SETD2: variants seen among roughly 807,000 people sequenced by gnomAD.
The protein encoded by SETD2 is histone-lysine N-methyltransferase SETD2.
SETD2 carries 31 observed loss-of-function variants against 242.1 expected under a neutral mutation model. The ratio of observed to expected loss-of-function variants is 0.13; its 90% confidence interval spans 0.10 to 0.17. The LOEUF is 0.17. SETD2 is among the 10% of genes least tolerant of loss of function. The pLI, the probability that SETD2 is intolerant of heterozygous loss-of-function variation, is 1.00. For synonymous variants in SETD2, 1,006 were observed against 1,066.5 expected, an observed-to-expected ratio of 0.94 and a Z score of 1.11; for missense variants, 2,481 against 3,046.3, an observed-to-expected ratio of 0.81 and a Z score of 4.37.
At chr3:47,080,083 G>C (rs1014936327) in intron 12 of SETD2, among the ~76,000 whole-genome samples, 2 of 152,112 alleles carry the variant, frequency 1.3e-5, no homozygotes, top group Non-Finnish European at 2.9e-5. Context: ...TATTAGCGAG[G>C]GAGTGAAATT....
At chr3:47,031,751 C>G (rs542150059) in intron 18 of SETD2, among the ~76,000 whole-genome samples, 2 of 152,200 alleles carry the variant, frequency 1.3e-5, no homozygotes, top group Admixed American at 6.5e-5. Flanking sequence ...TCTTAAAACA[C>G]TGAGGACCGC....
At chr3:47,105,123 T>C (rs2042358230) in intron 6 of SETD2, among the ~76,000 whole-genome samples, 1 of 152,166 alleles carries the variant, frequency 6.6e-6, no homozygotes, top group East Asian at 1.9e-4. Context: ...GCAAAAGCAC[T>C]TTGGGGCCAG....
chr3:47,122,104 G>C lies in SETD2; in HGVS notation c.2532C>G (p.His844Gln), dbSNP rs2106669220. Residue 844 changes from histidine (H) to glutamine (Q), a missense_variant, in exon 3 of 21, where the codon CAC becomes CAG. This residue lies in a region of SETD2 where 1,300 missense variants were observed against 1,259.2 expected (regional missense o/e 1.03). Transcript: ENST00000409792. ...VICDSRNLTD[H>Q]SKFACEEYKQ... Reference sequence around the variant, plus strand: ...TATATTCTTCACATGCAAATTTTGAGTGATCTGTCAAATTTCTACTATCAC... The same window carrying C: ...TATATTCTTCACATGCAAATTTTGACTGATCTGTCAAATTTCTACTATCAC... 1 of 1,613,910 alleles carries C rather than the reference G, an allele frequency of 6.2e-7. No homozygotes were observed.
intron 17 of SETD2, among the ~76,000 whole-genome samples, chr3:47,041,048 G>A (rs1252452589): frequency 6.6e-6 from 1 of 152,070 alleles, no homozygotes; most frequent in Non-Finnish European, 1.5e-5. Context: ...GGATGCCCAA[G>A]GTTATAGTTA....
At chr3:47,131,834 G>C (rs2043484077) in intron 1 of SETD2, among the ~76,000 whole-genome samples, 1 of 149,630 alleles carries the variant, frequency 6.7e-6, no homozygotes, top group South Asian at 2.1e-4. Context: ...CTGCAGTACA[G>C]AGGCGTGACC....
At chr3:47,063,214 T>C (rs374224785) in intron 13 of SETD2, among the ~76,000 whole-genome samples, 1 of 152,230 alleles carries the variant, frequency 6.6e-6, no homozygotes, top group Admixed American at 6.5e-5. Flanking sequence ...AGTTCAAACC[T>C]GTGTTGTTCA....
intron 18 of SETD2, among the ~76,000 whole-genome samples, chr3:47,022,420 G>A (rs34850939): frequency 0.25 from 38,504 of 151,478 alleles, 5,969 homozygotes; most frequent in South Asian, 0.35. Flanking sequence ...GGAGAGTTGC[G>A]CGAGCCTAGG....
chr3:47,111,974 A>C lies in SETD2; in HGVS notation c.4715+1902T>G, dbSNP rs180788685. Among the ~76,000 whole-genome samples, 332 of 152,272 alleles carry C rather than the reference A, an allele frequency of 2.2e-3. 1 individual carries two copies. The highest frequency in any genetic ancestry group is 7.4e-3 in the African/African-American group (307 of 41,550). ...CTCAGAGGGTTCTGAAAGAATAGTT[A>C]TGTCTAAGTTACTAGAATCCAGCAA... On this transcript the variant is annotated intron_variant, in intron 5 of 20. Transcript: ENST00000409792.
At chr3:47,119,853 T>C (rs2043002475) in intron 3 of SETD2, 2 of 474,618 alleles carry the variant, frequency 4.2e-6, no homozygotes, top group Admixed American at 5.4e-5. Flanking sequence ...TTTGCTGGGG[T>C]TTTATTCTGT....
chr3:47,081,065 TCCTTGCTGCCCTGAGAAGCTAGATGGA>T, intron 12 of SETD2: 1 of 986,934 alleles, frequency 1.0e-6, no homozygotes, highest in Non-Finnish European at 1.2e-6. Flanking sequence ...GTTAACAAGC[TCCTTGCTGCCCTGAGAAGCTAGATGGA>T]AATGGTTCAA....
intron 16 of SETD2, among the ~76,000 whole-genome samples, chr3:47,044,746 T>A (rs967634041): frequency 3.9e-5 from 6 of 152,220 alleles, no homozygotes; most frequent in Middle Eastern, 3.2e-3. Context: ...AAACTTTTTT[T>A]AAACATTGTA....
At chr3:47,071,738 C>A (rs959858708) in intron 12 of SETD2, among the ~76,000 whole-genome samples, 2 of 151,814 alleles carry the variant, frequency 1.3e-5, no homozygotes, top group Non-Finnish European at 2.9e-5. Flanking sequence ...ATAGTATGTT[C>A]CATATAGTAT....
intron 5 of SETD2, among the ~76,000 whole-genome samples, chr3:47,107,901 A>G (rs1177496770): frequency 6.6e-6 from 1 of 152,108 alleles, no homozygotes; most frequent in Non-Finnish European, 1.5e-5. Flanking sequence ...GAATTGCTTG[A>G]GCCCTGAGTT....
chr3:47,041,256 T>C (rs1376113947), intron 17 of SETD2: 12 of 277,090 alleles, frequency 4.3e-5, no homozygotes, highest in Non-Finnish European at 7.5e-5. Context: ...TGTAAGCAAA[T>C]GTGCATGGTT....
intron 1 of SETD2, among the ~76,000 whole-genome samples, chr3:47,141,366 C>T (rs2043724617): frequency 6.6e-6 from 1 of 152,114 alleles, no homozygotes; most frequent in African/African-American, 2.4e-5. Flanking sequence ...TTATGTCAGC[C>T]TTCCTGTCCT....
In SETD2 at chr3:47,020,941, G is replaced by A. The variant is rs371086201; in HGVS notation, c.7351-1101C>T. On this transcript the variant is annotated intron_variant, in intron 18 of 20. Coordinates refer to ENST00000409792, the MANE Select transcript of SETD2 (RefSeq NM_014159.7). ...GTTACAAATCAACTTTCTCTGCTGT[G>A]TCATAAAAGCTTTACGTATTTTCTA... Among the ~76,000 whole-genome samples the A allele has an allele frequency of 7.2e-5, 11 of 152,286 alleles. No homozygotes were observed. The East Asian group carries it at 1.7e-3, about 24-fold the overall frequency.
intron 7 of SETD2, 76 bp from the exon 8 acceptor site, chr3:47,101,631 T>TGTGC (rs1553694888): frequency 4.0e-6 from 3 of 754,290 alleles, no homozygotes; most frequent in Non-Finnish European, 4.4e-6. Context: ...TGTGTGTGTG[T>TGTGC]GTGCGCATAT....
intron 5 of SETD2, among the ~76,000 whole-genome samples, chr3:47,111,617 T>C (rs983077094): frequency 1.3e-5 from 2 of 152,086 alleles, no homozygotes; most frequent in Non-Finnish European, 2.9e-5. Context: ...GGGTGTGTTT[T>C]TACAAAACTT....
At chr3:47,040,569 A>ATTTTTTTTTTTTTTTTTTTT (rs34309892) in intron 17 of SETD2, among the ~76,000 whole-genome samples, 2 of 91,740 alleles carry the variant, frequency 2.2e-5, no homozygotes, top group African/African-American at 8.8e-5. Flanking sequence ...AGGGAAAAGG[A>ATTTTTTTTTTTTTTTTTTTT]TTTTTTTTTT....
Sources: gnomAD v4.1 joint callset for allele counts (sites outside exome capture counted in the v4.1 genomes callset) on GRCh38, gnomAD v4.1.1 for gene constraint, gnomAD v4.1.1 regional missense constraint, MANE v1.5 for transcripts, NCBI Gene and HGNC (gene_info 2026-07-23, HGNC 2026-07-21) for gene names.